IQSEC1: variants seen among roughly 807,000 people sequenced by gnomAD.
The protein encoded by IQSEC1 is IQ motif and SEC7 domain-containing protein 1.
Under a neutral mutation model 91.0 loss-of-function variants are expected in IQSEC1, and 31 were observed. The ratio of observed to expected loss-of-function variants is 0.34; its 90% CI spans 0.26 to 0.46. The LOEUF is 0.46. Ranked by LOEUF, IQSEC1 falls within the 20% of genes least tolerant of loss-of-function variation. IQSEC1 has a pLI of 1.00. For missense variants in IQSEC1, 1,388 were observed against 1,575.6 expected (o/e 0.88, Z 2.02); for synonymous variants, 699 against 662.6 (o/e 1.05, Z -0.84).
Position 12,970,277 on chromosome 3 carries a change from A to ATT in IQSEC1, c.24-28413_24-28412insAA, listed in dbSNP as rs1433448673. Reference sequence around the variant, plus strand: ...TAATTCTGCCCCAGGAGAGGCTCTAATGGGGGGACATTTTGGGTTGGACCT... The same window carrying ATT: ...TAATTCTGCCCCAGGAGAGGCTCTAATTTGGGGGGACATTTTGGGTTGGACCT... On this transcript the variant is annotated intron_variant, in intron 1 of 13. Coordinates refer to ENST00000613206, the MANE Select transcript of IQSEC1 (RefSeq NM_001134382.3). This position sits in a 1 kb window ranked among gnomAD's most constrained non-coding sequence, Gnocchi z 4.4. Among the ~76,000 whole-genome samples the ATT allele has an allele frequency of 2.6e-5, 4 of 152,196 alleles. No individual in the cohort carries two copies. The highest frequency in any genetic ancestry group is 9.7e-5 in the African/African-American group (4 of 41,450).
intron 1 of IQSEC1, among the ~76,000 whole-genome samples, chr3:12,945,298 G>A (rs779077631): frequency 5.3e-5 from 8 of 152,008 alleles, no homozygotes; most frequent in Non-Finnish European, 8.8e-5. Context: ...GTTCCTGGCT[G>A]CCCTGGGTCA....
intron 2 of IQSEC1, among the ~76,000 whole-genome samples, chr3:13,104,393 T>C (rs1425382331): frequency 6.6e-6 from 1 of 152,138 alleles, no homozygotes; most frequent in Non-Finnish European, 1.5e-5. Context: ...GACCCTCTAA[T>C]TCCACTTCCA....
chr3:13,270,387 A>G (rs1695573148), intron 1 of IQSEC1, among the ~76,000 whole-genome samples: 1 of 152,234 alleles, frequency 6.6e-6, no homozygotes, highest in African/African-American at 2.4e-5. Context: ...GACCCCTTAA[A>G]GAAATAGCAG....
chr3:13,241,815 G>A (rs868754751), intron 1 of IQSEC1, among the ~76,000 whole-genome samples: 1 of 152,196 alleles, frequency 6.6e-6, no homozygotes, highest in African/African-American at 2.4e-5. Flanking sequence ...TCTCTCACAC[G>A]CTAACCTCCC....
intron 1 of IQSEC1, among the ~76,000 whole-genome samples, chr3:13,171,916 G>A (rs548073615): frequency 1.3e-5 from 2 of 152,246 alleles, no homozygotes; most frequent in Admixed American, 6.5e-5. Flanking sequence ...GTGGCAATCC[G>A]AGAGGCTTCT....
At chr3:13,210,681 C>T (rs1445317079) in intron 1 of IQSEC1, among the ~76,000 whole-genome samples, 5 of 152,156 alleles carry the variant, frequency 3.3e-5, no homozygotes, top group Non-Finnish European at 7.3e-5. Flanking sequence ...GGCTCCTCCG[C>T]TCTGAGTTTT....
chr3:13,241,146 G>A (rs543426024), intron 1 of IQSEC1, among the ~76,000 whole-genome samples: 70 of 152,090 alleles, frequency 4.6e-4, no homozygotes, highest in Non-Finnish European at 8.8e-4. Context: ...GAGAAGTCCC[G>A]CAGTAAAGAA....
intron 1 of IQSEC1, among the ~76,000 whole-genome samples, chr3:12,985,516 C>T (rs181888700): frequency 2.6e-4 from 39 of 152,242 alleles, no homozygotes; most frequent in African/African-American, 8.2e-4. Context: ...AACCGTTTGC[C>T]CTGTGCCAGG....
intron 1 of IQSEC1, among the ~76,000 whole-genome samples, chr3:13,186,470 G>C (rs1043440107): frequency 6.6e-6 from 1 of 152,200 alleles, no homozygotes; most frequent in East Asian, 1.9e-4. Context: ...AGTGGGAAAA[G>C]CTGGGGAATT....
Position 12,909,404 on chromosome 3 carries a change from G to A in IQSEC1, c.2447C>T (p.Ser816Phe). 6.2e-7 allele frequency: 1 copy of A among 1,614,202 alleles called. No individual in the cohort carries two copies. The change falls in exon 11 of 14, where the codon TCT (serine) becomes TTT (phenylalanine). Residue 816 changes from serine to phenylalanine, a missense_variant. Around this residue, in one of 2 missense-constraint regions of IQSEC1, gnomAD observed 1,059 missense variants for 1,317.8 expected, o/e 0.80. Transcript: ENST00000613206. This position sits in a 1 kb window ranked among gnomAD's most constrained non-coding sequence, Gnocchi z 4.9. ...CACTTTGATATCTGCTCCGGGGACA[G>A]ACGAGGTGAGCCGGATGCCATTGGG... ...YYPNGIRLTSSVPGADIKVLI... is the reference protein window; with the variant it reads ...YYPNGIRLTSFVPGADIKVLI...
rs1700686724 is a variant in IQSEC1, at chr3:12,967,754, G to A, written c.24-25889C>T. 1 of 1,008,202 alleles carries A rather than the reference G, an allele frequency of 9.9e-7. No individual in the cohort carries two copies. The allele number at this position is 1,008,202 out of a possible 1,614,324, so 62.5% of individuals were successfully genotyped here. ...GTGGGCGGGGCAGGGCGGGGGCGGGGCCGGAGGGCGAGCTGGGGGCGGGGC... is the reference window on the plus strand; with the variant it reads ...GTGGGCGGGGCAGGGCGGGGGCGGGACCGGAGGGCGAGCTGGGGGCGGGGC... On this transcript the variant is annotated intron_variant, in intron 1 of 13. Transcript: ENST00000613206. This position sits in a 1 kb window ranked among gnomAD's most constrained non-coding sequence, Gnocchi z 5.9.
chr3:13,230,383 G>A (rs1381682092), intron 1 of IQSEC1, among the ~76,000 whole-genome samples: 1 of 152,206 alleles, frequency 6.6e-6, no homozygotes, highest in Non-Finnish European at 1.5e-5. Flanking sequence ...CTCTGGTGAA[G>A]CTTCCCCAGG....
intron 1 of IQSEC1, among the ~76,000 whole-genome samples, chr3:13,212,935 A>G (rs1694474209): frequency 1.3e-5 from 2 of 152,184 alleles, no homozygotes; most frequent in Admixed American, 6.5e-5. Context: ...AGAGCTCTTT[A>G]TACATTCTAG....
chr3:12,957,497 G>C (rs80291494), intron 1 of IQSEC1, among the ~76,000 whole-genome samples: 1 of 152,260 alleles, frequency 6.6e-6, no homozygotes, highest in East Asian at 1.9e-4. Flanking sequence ...ATTTCCATAC[G>C]CACCAAATGG....
Position 12,908,619 on chromosome 3 carries a change from G to A in IQSEC1, c.2579-94C>T. On this transcript the variant is annotated intron_variant, in intron 11 of 13. Coordinates refer to ENST00000613206, the MANE Select transcript of IQSEC1 (RefSeq NM_001134382.3). This position sits in a 1 kb window ranked among gnomAD's most constrained non-coding sequence, Gnocchi z 4.9. ...CTGCTTGGAGCTAGCACTGTCCTGA[G>A]CCACCATCTGCTTGGAATGGGGAAG... 7.5e-7 allele frequency: 1 copy of A among 1,325,680 alleles called. No individual in the cohort carries two copies. Among genetic ancestry groups the A allele is most frequent in the Non-Finnish European group, 1.1e-6 (1 of 945,168 alleles). 82.1% of individuals were successfully genotyped at this position (1,325,680 alleles called of 1,614,324 possible).
At chr3:13,279,806 C>T (rs919751492) in intron 1 of IQSEC1, among the ~76,000 whole-genome samples, 2 of 152,168 alleles carry the variant, frequency 1.3e-5, no homozygotes, top group Admixed American at 6.5e-5. Flanking sequence ...AGCAGGAAGT[C>T]AATCCTGATG....
chr3:13,000,024 G>A (rs1196623528), intron 1 of IQSEC1, among the ~76,000 whole-genome samples: 1 of 152,060 alleles, frequency 6.6e-6, no homozygotes, highest in East Asian at 1.9e-4. Context: ...TCAAAATTAG[G>A]CTAAACCTAA....
intron 2 of IQSEC1, among the ~76,000 whole-genome samples, chr3:13,133,401 T>C (rs554837834): frequency 1.3e-5 from 2 of 152,356 alleles, no homozygotes; most frequent in African/African-American, 4.8e-5. Flanking sequence ...GCTCTGGGAA[T>C]AAGAATCCAG....
intron 2 of IQSEC1, among the ~76,000 whole-genome samples, chr3:13,159,184 C>A (rs1372404135): frequency 6.6e-6 from 1 of 152,126 alleles, no homozygotes; most frequent in African/African-American, 2.4e-5. Flanking sequence ...AATCCCAACA[C>A]TTTGGGAGGT....
Sources: allele counts gnomAD v4.1 joint callset (sites outside exome capture counted in the v4.1 genomes callset), GRCh38; gene constraint gnomAD v4.1.1; regional missense constraint gnomAD v4.1.1; non-coding constraint Gnocchi (gnomAD v3.1); transcripts MANE v1.5; gene names NCBI Gene and HGNC (gene_info 2026-07-23, HGNC 2026-07-21).